Variants in ADCY2 observed in about 807,000 individuals in gnomAD.
ADCY2 encodes adenylate cyclase type 2.
In ADCY2, 31 loss-of-function variants were observed where a neutral mutation model predicts 125.2. That is an observed-to-expected ratio of 0.25 (90% confidence interval 0.19 to 0.33). The LOEUF (loss-of-function observed/expected upper bound fraction) is 0.33. Ranked by LOEUF, ADCY2 falls within the 10% of genes least tolerant of loss-of-function variation. The pLI is 1.00. For synonymous variants in ADCY2, 512 were observed against 548.4 expected, an observed-to-expected ratio of 0.93 and a Z score of 0.93; for missense variants, 904 against 1,418.2, an observed-to-expected ratio of 0.64 and a Z score of 5.82.
At chr5:7,625,382 A>C (rs2126657273) in intron 3 of ADCY2, among the ~76,000 whole-genome samples, 1 of 152,356 alleles carries the variant, frequency 6.6e-6, no homozygotes, top group Non-Finnish European at 1.5e-5. Context: ...GACAAAGTAA[A>C]GTATGCCACC....
intron 22 of ADCY2, among the ~76,000 whole-genome samples, chr5:7,811,527 T>G (rs988824448): frequency 2.6e-5 from 4 of 151,766 alleles, no homozygotes; most frequent in Non-Finnish European, 4.4e-5. Context: ...AAAATCTGTG[T>G]TTTTGCTTTC....
At chr5:7,621,612 G>C (rs945431281) in intron 3 of ADCY2, among the ~76,000 whole-genome samples, 3 of 152,190 alleles carry the variant, frequency 2.0e-5, no homozygotes, top group East Asian at 1.9e-4. Context: ...AATAAAACAA[G>C]TCCATTCTCC....
At chr5:7,503,716 CA>C (rs1242717640) in intron 2 of ADCY2, among the ~76,000 whole-genome samples, 1 of 152,224 alleles carries the variant, frequency 6.6e-6, no homozygotes, top group Admixed American at 6.5e-5. Context: ...ATGGCCCACG[CA>C]GCTGTGGTGA....
chr5:7,586,989 G>C (rs73739855), intron 3 of ADCY2, among the ~76,000 whole-genome samples: 8,660 of 152,230 alleles, frequency 0.057, 301 homozygotes, highest in Middle Eastern at 0.11. Flanking sequence ...TAGATAGATA[G>C]ATAGACAAAG....
chr5:7,589,466 G>GAAAGAA (rs1554022180), intron 3 of ADCY2, among the ~76,000 whole-genome samples: 1 of 39,854 alleles, frequency 2.5e-5, no homozygotes, highest in Non-Finnish European at 5.6e-5. Flanking sequence ...GAAAAAGAAA[G>GAAAGAA]AAAGAAAGAA....
intron 2 of ADCY2, among the ~76,000 whole-genome samples, chr5:7,434,245 A>G (rs1014092135): frequency 5.9e-5 from 9 of 152,222 alleles, no homozygotes; most frequent in African/African-American, 2.2e-4. Context: ...CTATTATAGG[A>G]AAGGAAAAAA....
At chr5:7,525,245 A>G (rs1373401414) in intron 3 of ADCY2, among the ~76,000 whole-genome samples, 2 of 152,148 alleles carry the variant, frequency 1.3e-5, no homozygotes, top group Admixed American at 6.5e-5. Flanking sequence ...GAGCTCAGGC[A>G]ATCCGCCAGC....
At chr5:7,787,691 TA>T (rs1744124492) in intron 19 of ADCY2, among the ~76,000 whole-genome samples, 1 of 151,974 alleles carries the variant, frequency 6.6e-6, no homozygotes, top group Admixed American at 6.6e-5. Flanking sequence ...GGTAGATAGA[TA>T]GGTAGATAGA....
intron 4 of ADCY2, among the ~76,000 whole-genome samples, chr5:7,664,342 T>C (rs1055087939): frequency 6.6e-6 from 1 of 152,180 alleles, no homozygotes; most frequent in Non-Finnish European, 1.5e-5. Context: ...GTTTTTACAA[T>C]AAGACTCTCA....
At chr5:7,803,279 A>G (rs1280169529) in intron 21 of ADCY2, among the ~76,000 whole-genome samples, 2 of 152,196 alleles carry the variant, frequency 1.3e-5, no homozygotes, top group Non-Finnish European at 2.9e-5. Context: ...AATGAGTGAC[A>G]GTGGATATGT....
At chr5:7,412,153 G>A (rs1466297254) in intron 1 of ADCY2, among the ~76,000 whole-genome samples, 2 of 151,836 alleles carry the variant, frequency 1.3e-5, no homozygotes, top group African/African-American at 4.8e-5. Context: ...GACTATATCA[G>A]CATCTTCTTG....
chr5:7,485,906 TG>T (rs1278553215), intron 2 of ADCY2, among the ~76,000 whole-genome samples: 25 of 152,210 alleles, frequency 1.6e-4, no homozygotes, highest in Admixed American at 1.6e-3. Flanking sequence ...TGGCTGTGGA[TG>T]TTAAAGATAT....
chr5:7,533,178 C>T (rs1193602605), intron 3 of ADCY2, among the ~76,000 whole-genome samples: 2 of 151,182 alleles, frequency 1.3e-5, no homozygotes, highest in Non-Finnish European at 2.9e-5. Flanking sequence ...GAAAATATTT[C>T]TGTTTAGACT....
At chr5:7,558,494 G>A (rs553382418) in intron 3 of ADCY2, among the ~76,000 whole-genome samples, 2 of 152,236 alleles carry the variant, frequency 1.3e-5, no homozygotes, top group Non-Finnish European at 2.9e-5. Flanking sequence ...CTTTCGAAAA[G>A]GGTATGTTCA....
At chr5:7,449,265 A>T (rs1741388001) in intron 2 of ADCY2, among the ~76,000 whole-genome samples, 1 of 152,248 alleles carries the variant, frequency 6.6e-6, no homozygotes, top group South Asian at 2.1e-4. Context: ...AAGCAAATCC[A>T]TCAATTCATT....
chr5:7,689,112 C>T (rs1406897479), intron 4 of ADCY2, among the ~76,000 whole-genome samples: 1 of 152,166 alleles, frequency 6.6e-6, no homozygotes, highest in Non-Finnish European at 1.5e-5. Context: ...GGGATCAGGC[C>T]ATGCCCTTTC....
At chr5:7,514,358 C>A (rs2126523939) in intron 2 of ADCY2, among the ~76,000 whole-genome samples, 1 of 152,130 alleles carries the variant, frequency 6.6e-6, no homozygotes, top group Non-Finnish European at 1.5e-5. Flanking sequence ...ATTTTATGTC[C>A]AAAAAGTAAA....
intron 16 of ADCY2, among the ~76,000 whole-genome samples, chr5:7,762,185 T>C (rs1037075552): frequency 1.1e-4 from 16 of 152,208 alleles, no homozygotes; most frequent in Non-Finnish European, 1.9e-4. Flanking sequence ...ATACCATTTG[T>C]GTTGATACCT....
chr5:7,659,538 A>C (rs1739454476), intron 4 of ADCY2, among the ~76,000 whole-genome samples: 1 of 152,302 alleles, frequency 6.6e-6, no homozygotes, highest in South Asian at 2.1e-4. Context: ...TTGGTGTTGA[A>C]ACCCACAGCT....
Sources: gnomAD v4.1 joint callset for allele counts (sites outside exome capture counted in the v4.1 genomes callset) on GRCh38, gnomAD v4.1.1 for gene constraint, MANE v1.5 for transcripts, NCBI Gene and HGNC (gene_info 2026-07-23, HGNC 2026-07-21) for gene names.